The following ROBO2 variants were observed in gnomAD, a reference collection of about 807,000 sequenced individuals.
ROBO2 encodes roundabout homolog 2.
Under a neutral mutation model 160.8 loss-of-function variants are expected in ROBO2, and 53 were observed. That is an observed-to-expected ratio of 0.33 (90% CI 0.26 to 0.41). ROBO2 has a LOEUF of 0.41. Ranked by LOEUF, ROBO2 falls within the 10% of genes least tolerant of loss-of-function variation. The pLI, the probability that ROBO2 is intolerant of heterozygous loss-of-function variation, is 1.00. For synonymous variants in ROBO2, 664 were observed against 611.7 expected (o/e 1.09, Z -1.26); for missense variants, 1,577 against 1,722.4 (o/e 0.92, Z 1.49).
At position 77,042,478 on chromosome 3, in the gene ROBO2, G is replaced by T. The variant is rs1049827478; in HGVS notation, c.61+1632G>T. 4.6e-5 allele frequency among the ~76,000 whole-genome samples: 7 copies of T among 152,220 alleles called. 1 individual carries two copies. The highest frequency in any genetic ancestry group is 6.8e-3 in the Middle Eastern group (2 of 292). On this transcript the variant is annotated intron_variant, in intron 1 of 25. Transcript: ENST00000461745. ...ATTAGACTACAAAATTATCACCAAGGGTTTTTTTATATAAGCGTTTTTAAA... is the reference window on the plus strand; with the variant it reads ...ATTAGACTACAAAATTATCACCAAGTGTTTTTTTATATAAGCGTTTTTAAA...
chr3:77,222,087 G>T (rs2085892860), intron 2 of ROBO2, among the ~76,000 whole-genome samples: 1 of 151,954 alleles, frequency 6.6e-6, no homozygotes, highest in Non-Finnish European at 1.5e-5. Context: ...TCTTGACCTT[G>T]TGATCCACCC....
chr3:76,356,694 T>C (rs1323082401), intron 2 of ROBO2, among the ~76,000 whole-genome samples: 1 of 151,848 alleles, frequency 6.6e-6, no homozygotes, highest in Non-Finnish European at 1.5e-5. Flanking sequence ...ACCGTCATAA[T>C]TGGAGAGTTT....
intron 8 of ROBO2, among the ~76,000 whole-genome samples, chr3:77,553,747 C>T (rs2093008633): frequency 6.6e-6 from 1 of 151,822 alleles, no homozygotes; most frequent in Non-Finnish European, 1.5e-5. Context: ...GTCTTCAATT[C>T]CTTGAAGGCT....
chr3:77,311,424 G>A (rs2063532336), intron 2 of ROBO2, among the ~76,000 whole-genome samples: 1 of 152,166 alleles, frequency 6.6e-6, no homozygotes, highest in Admixed American at 6.5e-5. Flanking sequence ...AAATATATGT[G>A]GCTATGTAAT....
chr3:76,219,857 G>A (rs1481845006), intron 2 of ROBO2, among the ~76,000 whole-genome samples: 1 of 151,960 alleles, frequency 6.6e-6, no homozygotes, highest in Non-Finnish European at 1.5e-5. Context: ...AAATCATGCT[G>A]CTATAAAGAC....
intron 2 of ROBO2, among the ~76,000 whole-genome samples, chr3:76,073,232 CCTAA>C (rs1160547144): frequency 7.1e-6 from 1 of 140,058 alleles, no homozygotes; most frequent in Non-Finnish European, 1.5e-5. Context: ...CTTAATTAAG[CCTAA>C]CTGATTTGTA....
intron 2 of ROBO2, among the ~76,000 whole-genome samples, chr3:77,217,907 C>A (rs968075838): frequency 6.6e-6 from 1 of 152,158 alleles, no homozygotes; most frequent in Non-Finnish European, 1.5e-5. Context: ...TGAAATATTA[C>A]AGACAGGAGT....
intron 2 of ROBO2, among the ~76,000 whole-genome samples, chr3:77,192,373 T>A (rs1351168644): frequency 6.6e-6 from 1 of 152,190 alleles, no homozygotes; most frequent in Admixed American, 6.5e-5. Context: ...ATTTCTCTAC[T>A]TTGCCATGTT....
intron 2 of ROBO2, among the ~76,000 whole-genome samples, chr3:76,663,459 ATTG>A (rs1291220916): frequency 6.6e-6 from 1 of 152,126 alleles, no homozygotes; most frequent in East Asian, 1.9e-4. Flanking sequence ...CTTTCCAAAG[ATTG>A]TTTAGTGCTT....
At chr3:76,815,033 T>C (rs1274894447) in intron 2 of ROBO2, among the ~76,000 whole-genome samples, 1 of 152,034 alleles carries the variant, frequency 6.6e-6, no homozygotes, top group African/African-American at 2.4e-5. Context: ...GTTAGTATAG[T>C]GGCTCTGAAA....
At chr3:76,651,884 T>G (rs1231848869) in intron 2 of ROBO2, among the ~76,000 whole-genome samples, 1 of 152,118 alleles carries the variant, frequency 6.6e-6, no homozygotes, top group African/African-American at 2.4e-5. Context: ...CAAGTGTACC[T>G]CACTCTCTCA....
chr3:76,139,369 T>C (rs1216052605), intron 2 of ROBO2, among the ~76,000 whole-genome samples: 1 of 152,118 alleles, frequency 6.6e-6, no homozygotes, highest in African/African-American at 2.4e-5. Flanking sequence ...AAACTTAATT[T>C]GGATAGCTAT....
At chr3:76,951,194 T>C (rs1349115600) in intron 2 of ROBO2, among the ~76,000 whole-genome samples, 1 of 152,228 alleles carries the variant, frequency 6.6e-6, no homozygotes, top group East Asian at 1.9e-4. Context: ...TTGGCCTCCA[T>C]TCTCTACTGT....
chr3:76,089,093 T>C (rs974381256), intron 2 of ROBO2, among the ~76,000 whole-genome samples: 5 of 152,012 alleles, frequency 3.3e-5, no homozygotes, highest in African/African-American at 7.2e-5. Context: ...CCAAATAAAA[T>C]TGACCAATTC....
At chr3:75,987,497 A>G (rs1436472223) in intron 2 of ROBO2, among the ~76,000 whole-genome samples, 1 of 151,802 alleles carries the variant, frequency 6.6e-6, no homozygotes, top group Non-Finnish European at 1.5e-5. Flanking sequence ...CTGTGTACAA[A>G]CAGAGATAAT....
At chr3:76,373,637 C>T (rs1043469563) in intron 2 of ROBO2, among the ~76,000 whole-genome samples, 1 of 151,938 alleles carries the variant, frequency 6.6e-6, no homozygotes, top group Admixed American at 6.6e-5. Flanking sequence ...GTTCTTAATA[C>T]AATGGCTTAC....
In ROBO2 at chr3:76,299,345, G is replaced by A. The variant is rs144663462; in HGVS notation, c.109+361743G>A. 1.0e-2 allele frequency among the ~76,000 whole-genome samples: 1,522 copies of A among 152,242 alleles called. 7 individuals carry two copies. Among genetic ancestry groups the A allele is most frequent in the Non-Finnish European group, 0.014 (975 of 68,012 alleles). The stretch of plus-strand genomic sequence containing the variant: ...AATCTGAGCAAACCCTGAAGCAAGC[G>A]AGGGATTTGATGAAGCTCAAGTCAG... On this transcript the variant is annotated intron_variant, in intron 2 of 26. Coordinates refer to the ROBO2 transcript ENST00000487694.
chr3:76,289,665 G>A (rs1708708208), intron 2 of ROBO2, among the ~76,000 whole-genome samples: 1 of 152,044 alleles, frequency 6.6e-6, no homozygotes, highest in Admixed American at 6.6e-5. Flanking sequence ...GTTGATTTTT[G>A]TATATGGTAA....
chr3:75,993,121 C>T (rs1359325859), intron 2 of ROBO2, among the ~76,000 whole-genome samples: 6 of 151,990 alleles, frequency 3.9e-5, no homozygotes, highest in Admixed American at 3.9e-4. Flanking sequence ...CTTTGGGGGA[C>T]TGTTGGGAAG....
Sources: allele counts gnomAD v4.1 joint callset (sites outside exome capture counted in the v4.1 genomes callset), GRCh38; gene constraint gnomAD v4.1.1; transcripts MANE v1.5; gene names NCBI Gene and HGNC (gene_info 2026-07-23, HGNC 2026-07-21).